The following TMTC2 variants were observed in gnomAD, a reference collection of about 807,000 sequenced individuals.
The protein encoded by TMTC2 is transmembrane O-mannosyltransferase targeting cadherins 2.
In TMTC2, 43 loss-of-function variants were observed where a neutral mutation model predicts 82.4. The ratio of observed to expected loss-of-function variants is 0.52; its 90% CI spans 0.41 to 0.67. The LOEUF (loss-of-function observed/expected upper bound fraction) is 0.67, where lower values mean the gene tolerates loss of function less well. Among genes scored for constraint, TMTC2 ranks in the 30% least tolerant of loss-of-function variants. The pLI, the probability that TMTC2 is intolerant of heterozygous loss-of-function variation, is 0.00. For missense variants in TMTC2, 919 were observed against 1,012.4 expected (o/e 0.91, Z 1.25); for synonymous variants, 408 against 381.9 (o/e 1.07, Z -0.80).
At chr12:83,110,461 C>T (rs1272104499) in intron 11 of TMTC2, among the ~76,000 whole-genome samples, 1 of 152,122 alleles carries the variant, frequency 6.6e-6, no homozygotes, top group Non-Finnish European at 1.5e-5. Context: ...GATTTCTCTC[C>T]TTCTCTATAG....
intron 9 of TMTC2, among the ~76,000 whole-genome samples, chr12:83,036,232 T>G (rs1245025946): frequency 6.6e-6 from 1 of 152,124 alleles, no homozygotes; most frequent in Non-Finnish European, 1.5e-5. Flanking sequence ...AGGGACACAG[T>G]AGAGAATAAG....
chr12:82,842,396 T>C (rs968925536), intron 1 of TMTC2, among the ~76,000 whole-genome samples: 2 of 152,182 alleles, frequency 1.3e-5, no homozygotes, highest in Admixed American at 6.5e-5. Flanking sequence ...AGACAAATTC[T>C]GTCAGAACTG....
intron 4 of TMTC2, among the ~76,000 whole-genome samples, chr12:82,951,368 G>T (rs1877336419): frequency 6.6e-6 from 1 of 151,970 alleles, no homozygotes; most frequent in Admixed American, 6.6e-5. Context: ...TCGGCTCACT[G>T]CAATCTCCAC....
intron 11 of TMTC2, among the ~76,000 whole-genome samples, chr12:83,130,062 C>T (rs1471912417): frequency 1.3e-5 from 2 of 152,204 alleles, no homozygotes; most frequent in African/African-American, 4.8e-5. Context: ...CATCACTGGG[C>T]CTCTTCCATT....
chr12:82,960,428 G>C (rs770106554), intron 4 of TMTC2, among the ~76,000 whole-genome samples: 3 of 152,040 alleles, frequency 2.0e-5, no homozygotes, highest in African/African-American at 7.2e-5. Context: ...TAAATCACCA[G>C]GGAATACTAC....
At chr12:82,958,354 C>CAAAAA (rs750819932) in intron 4 of TMTC2, among the ~76,000 whole-genome samples, 8 of 19,952 alleles carry the variant, frequency 4.0e-4, no homozygotes, top group African/African-American at 1.7e-3. Context: ...GAGTCTGTCT[C>CAAAAA]AAAAAAAAAA....
At chr12:82,801,944 C>G (rs920454313) in intron 1 of TMTC2, among the ~76,000 whole-genome samples, 1 of 152,138 alleles carries the variant, frequency 6.6e-6, no homozygotes, top group African/African-American at 2.4e-5. Context: ...CTCTCAGGTC[C>G]CCACCAGACT....
chr12:82,918,752 C>G (rs1249235463), intron 3 of TMTC2, among the ~76,000 whole-genome samples: 4 of 151,852 alleles, frequency 2.6e-5, no homozygotes, highest in Admixed American at 6.6e-5. Context: ...CTCTCCCTCT[C>G]TCTCTCTCTC....
intron 1 of TMTC2, among the ~76,000 whole-genome samples, chr12:82,699,864 A>G (rs11115347): frequency 0.041 from 6,288 of 152,272 alleles, 205 homozygotes; most frequent in South Asian, 0.12. Flanking sequence ...CATGGATTCA[A>G]CCAACCATGG....
chr12:83,072,880 G>C (rs1883165692), intron 11 of TMTC2, among the ~76,000 whole-genome samples: 1 of 152,018 alleles, frequency 6.6e-6, no homozygotes, highest in African/African-American at 2.4e-5. Flanking sequence ...TTAAGTTTAT[G>C]TGAGTCCTTA....
chr12:83,085,195 G>T (rs929284858), intron 11 of TMTC2, among the ~76,000 whole-genome samples: 13 of 152,248 alleles, frequency 8.5e-5, no homozygotes, highest in Admixed American at 7.8e-4. Context: ...TTTAAAATAA[G>T]GGGGGAAATA....
intron 3 of TMTC2, among the ~76,000 whole-genome samples, chr12:82,899,537 G>A (rs1186368584): frequency 7.0e-6 from 1 of 143,212 alleles, no homozygotes; most frequent in Non-Finnish European, 1.5e-5. Context: ...ATATATATGT[G>A]TGGAATATAT....
At chr12:82,899,273 A>C (rs1873838313) in intron 3 of TMTC2, among the ~76,000 whole-genome samples, 1 of 152,042 alleles carries the variant, frequency 6.6e-6, no homozygotes, top group Non-Finnish European at 1.5e-5. Flanking sequence ...TGCAGGCTTT[A>C]CCATCTCAGT....
At chr12:82,917,335 T>A (rs1051856263) in intron 3 of TMTC2, among the ~76,000 whole-genome samples, 1 of 152,024 alleles carries the variant, frequency 6.6e-6, no homozygotes, top group Non-Finnish European at 1.5e-5. Flanking sequence ...AAATAATATT[T>A]ATTTAAATTG....
intron 1 of TMTC2, among the ~76,000 whole-genome samples, chr12:82,806,089 G>A (rs1343936399): frequency 6.6e-6 from 1 of 152,094 alleles, no homozygotes; most frequent in Non-Finnish European, 1.5e-5. Context: ...TGCTGTGGAA[G>A]CATCTAGAGG....
intron 1 of TMTC2, among the ~76,000 whole-genome samples, chr12:82,794,072 A>G (rs1878591566): frequency 6.6e-6 from 1 of 152,100 alleles, no homozygotes; most frequent in South Asian, 2.1e-4. Flanking sequence ...TCAGTCACTC[A>G]CTTGTGACTG....
At chr12:82,692,705 A>AATG (rs1872629903) in intron 1 of TMTC2, among the ~76,000 whole-genome samples, 1 of 152,190 alleles carries the variant, frequency 6.6e-6, no homozygotes, top group Non-Finnish European at 1.5e-5. Context: ...TACTTATTTT[A>AATG]ATGGCTTCAC....
chr12:82,936,607 C>G (rs1047438461), intron 4 of TMTC2, among the ~76,000 whole-genome samples: 2 of 152,070 alleles, frequency 1.3e-5, no homozygotes, highest in African/African-American at 4.8e-5. Flanking sequence ...TTACTATACT[C>G]TTTCAATTTA....
chr12:82,796,796 T>C (rs377567644), intron 1 of TMTC2, among the ~76,000 whole-genome samples: 1 of 152,062 alleles, frequency 6.6e-6, no homozygotes. Flanking sequence ...GGGATGTAAG[T>C]GCAGTTCTAC....
Sources: allele counts gnomAD v4.1 joint callset (sites outside exome capture counted in the v4.1 genomes callset), GRCh38; gene constraint gnomAD v4.1.1; transcripts MANE v1.5; gene names NCBI Gene and HGNC (gene_info 2026-07-23, HGNC 2026-07-21).